SGCZ: variants seen among roughly 807,000 people sequenced by gnomAD.
SGCZ encodes zeta-sarcoglycan.
Under a neutral mutation model 41.3 loss-of-function variants are expected in SGCZ, and 40 were observed. The ratio of observed to expected loss-of-function variants is 0.97; its 90% CI spans 0.75 to 1.26. The LOEUF is 1.26. SGCZ is among the 50% of genes most tolerant of loss of function. SGCZ has a pLI of 0.00. For missense variants in SGCZ, 552 were observed against 369.8 expected (o/e 1.49, Z -4.04); for synonymous variants, 206 against 137.5 (o/e 1.50, Z -3.49).
intron 1 of SGCZ, among the ~76,000 whole-genome samples, chr8:15,111,730 T>A (rs529942996): frequency 1.3e-5 from 2 of 152,068 alleles, no homozygotes; most frequent in African/African-American, 4.8e-5. Flanking sequence ...TGAAACCCTG[T>A]CTCCACTAAA....
intron 2 of SGCZ, among the ~76,000 whole-genome samples, chr8:14,458,406 G>T (rs78337450): frequency 5.3e-5 from 8 of 152,132 alleles, no homozygotes; most frequent in Non-Finnish European, 8.8e-5. Context: ...TTTCTCACAG[G>T]GTTATGCGTA....
chr8:15,170,636 G>C (rs1366100097), intron 1 of SGCZ, among the ~76,000 whole-genome samples: 1 of 152,086 alleles, frequency 6.6e-6, no homozygotes, highest in Non-Finnish European at 1.5e-5. Context: ...GTTTTGTTTT[G>C]TTTTTTTAAA....
intron 1 of SGCZ, among the ~76,000 whole-genome samples, chr8:14,760,737 A>C (rs1461122762): frequency 6.6e-6 from 1 of 152,242 alleles, no homozygotes; most frequent in Non-Finnish European, 1.5e-5. Flanking sequence ...GCAAGCTAAC[A>C]GTTATTCAGT....
intron 5 of SGCZ, among the ~76,000 whole-genome samples, chr8:14,161,625 T>C (rs773667578): frequency 6.6e-6 from 1 of 152,236 alleles, no homozygotes; most frequent in Non-Finnish European, 1.5e-5. Flanking sequence ...TTCTAAGTAT[T>C]ATGTTCCAAC....
intron 1 of SGCZ, among the ~76,000 whole-genome samples, chr8:14,965,333 A>C (rs564406431): frequency 6.6e-6 from 1 of 152,240 alleles, no homozygotes; most frequent in African/African-American, 2.4e-5. Flanking sequence ...AAGTTTCCAG[A>C]GCTACATCCC....
rs192066211 is a variant in SGCZ at position 14,677,858 on chromosome 8, G to T, written c.40-122932C>A. Among the ~76,000 whole-genome samples the T allele has an allele frequency of 1.4e-4, 21 of 152,294 alleles. No homozygotes were observed. The East Asian group carries it at 3.7e-3, about 27-fold the overall frequency. ...TAGAACAGCTAAAATAACATTGAAGGAGGAGAACGAAGTTGGAGGACTGAT... is the reference window on the plus strand; with the variant it reads ...TAGAACAGCTAAAATAACATTGAAGTAGGAGAACGAAGTTGGAGGACTGAT... On this transcript the variant is annotated intron_variant, in intron 1 of 7. Transcript: ENST00000382080.
intron 1 of SGCZ, among the ~76,000 whole-genome samples, chr8:14,866,789 G>C (rs1329220258): frequency 1.3e-5 from 2 of 151,922 alleles, no homozygotes; most frequent in Non-Finnish European, 2.9e-5. Flanking sequence ...CGGAGACCCT[G>C]TCTCAAAAAG....
intron 1 of SGCZ, among the ~76,000 whole-genome samples, chr8:14,696,249 A>C (rs1045952112): frequency 1.3e-5 from 2 of 152,160 alleles, no homozygotes; most frequent in Non-Finnish European, 2.9e-5. Context: ...TGATTTAATT[A>C]ACCAATAATT....
chr8:14,666,878 G>T (rs139672518), intron 1 of SGCZ, among the ~76,000 whole-genome samples: 2 of 151,676 alleles, frequency 1.3e-5, no homozygotes, highest in Non-Finnish European at 2.9e-5. Flanking sequence ...CTATTTTAAC[G>T]TCCATTAGGT....
At chr8:14,392,428 G>A (rs1377372437) in intron 2 of SGCZ, among the ~76,000 whole-genome samples, 2 of 152,162 alleles carry the variant, frequency 1.3e-5, no homozygotes, top group African/African-American at 4.8e-5. Context: ...AAAATGATAT[G>A]AATGAGTTTA....
At chr8:15,046,820 A>G (rs908001505) in intron 1 of SGCZ, among the ~76,000 whole-genome samples, 3 of 152,056 alleles carry the variant, frequency 2.0e-5, no homozygotes, top group Non-Finnish European at 4.4e-5. Flanking sequence ...TATACCAAAC[A>G]TGCTAGCCTT....
intron 1 of SGCZ, among the ~76,000 whole-genome samples, chr8:14,813,821 T>C (rs1468929919): frequency 1.3e-5 from 2 of 151,734 alleles, no homozygotes; most frequent in Non-Finnish European, 2.9e-5. Flanking sequence ...GGCATGGGGG[T>C]GCATGCCTGT....
intron 1 of SGCZ, among the ~76,000 whole-genome samples, chr8:15,016,073 G>A (rs1431704109): frequency 6.6e-6 from 1 of 152,070 alleles, no homozygotes; most frequent in Non-Finnish European, 1.5e-5. Context: ...ATATCCTGCT[G>A]ATTAGCCATA....
chr8:14,439,475 G>A (rs1039855009), intron 2 of SGCZ, among the ~76,000 whole-genome samples: 5 of 151,462 alleles, frequency 3.3e-5, no homozygotes, highest in African/African-American at 1.2e-4. Flanking sequence ...GACCAAGACA[G>A]TACAAAAACA....
intron 2 of SGCZ, among the ~76,000 whole-genome samples, chr8:14,485,738 C>T (rs1298658294): frequency 6.6e-6 from 1 of 152,106 alleles, no homozygotes; most frequent in East Asian, 1.9e-4. Flanking sequence ...CCTCAACTCT[C>T]ACTAGACACA....
chr8:14,177,090 T>C (rs994863946), intron 4 of SGCZ, among the ~76,000 whole-genome samples: 2 of 152,062 alleles, frequency 1.3e-5, no homozygotes, highest in African/African-American at 4.8e-5. Flanking sequence ...GGAAGGAGCA[T>C]CTGTGGGGGA....
intron 1 of SGCZ, among the ~76,000 whole-genome samples, chr8:14,624,660 T>C (rs1403518190): frequency 7.3e-6 from 1 of 136,134 alleles, no homozygotes; most frequent in Non-Finnish European, 1.5e-5. Flanking sequence ...AACCTCCGCC[T>C]CCCGGGGTCA....
chr8:15,081,609 A>G (rs1805751405), intron 1 of SGCZ, among the ~76,000 whole-genome samples: 1 of 152,156 alleles, frequency 6.6e-6, no homozygotes. Flanking sequence ...AGTAGAGGGG[A>G]AGAATAAACA....
chr8:14,595,406 C>CAG (rs1554459951), intron 1 of SGCZ, among the ~76,000 whole-genome samples: 1 of 125,454 alleles, frequency 8.0e-6, no homozygotes, highest in Non-Finnish European at 1.7e-5. Context: ...CACAAACACA[C>CAG]ACACACACAC....
Sources: gnomAD v4.1 joint callset for allele counts (sites outside exome capture counted in the v4.1 genomes callset) on GRCh38, gnomAD v4.1.1 for gene constraint, MANE v1.5 for transcripts, NCBI Gene and HGNC (gene_info 2026-07-23, HGNC 2026-07-21) for gene names.